Variants in DAPK1 observed in about 807,000 individuals in gnomAD.
DAPK1 encodes the protein death associated protein kinase 1.
A neutral mutation model predicts 144.9 loss-of-function variants in DAPK1; 56 were observed. That is an observed-to-expected ratio of 0.39 (90% CI 0.31 to 0.48). The LOEUF (loss-of-function observed/expected upper bound fraction) is 0.48. Ranked by LOEUF, DAPK1 falls within the 20% of genes least tolerant of loss-of-function variation. The pLI, the probability that DAPK1 is intolerant of heterozygous loss-of-function variation, is 0.95. For synonymous variants in DAPK1, 690 were observed against 749.0 expected, an observed-to-expected ratio of 0.92 and a Z score of 1.29; for missense variants, 1,454 against 1,875.4, an observed-to-expected ratio of 0.78 and a Z score of 4.15.
chr9:87,654,475 C>T (rs1213632175), intron 17 of DAPK1, among the ~76,000 whole-genome samples: 1 of 152,138 alleles, frequency 6.6e-6, no homozygotes, highest in Non-Finnish European at 1.5e-5. Context: ...ATGTGATTAA[C>T]TCAAGCAGAA....
At chr9:87,651,818 T>C in intron 17 of DAPK1, 94 bp downstream of exon 17, 1 of 1,122,264 alleles carries the variant, frequency 8.9e-7, no homozygotes, top group South Asian at 1.4e-5. Context: ...TGATCCCAGG[T>C]CCTGATTCTG....
intron 2 of DAPK1, among the ~76,000 whole-genome samples, chr9:87,595,748 T>C (rs1407486505): frequency 1.3e-5 from 2 of 152,192 alleles, no homozygotes; most frequent in African/African-American, 2.4e-5. Flanking sequence ...CCTTGGCCCA[T>C]TGCGCTGTTC....
chr9:87,670,229 GAGCC>G (rs1438668331), intron 19 of DAPK1, among the ~76,000 whole-genome samples: 3 of 151,974 alleles, frequency 2.0e-5, no homozygotes, highest in African/African-American at 7.3e-5. Flanking sequence ...ATTCAAGAAT[GAGCC>G]TTTTCATAGA....
At chr9:87,682,168 G>C (rs894477244) in intron 20 of DAPK1, among the ~76,000 whole-genome samples, 2 of 152,166 alleles carry the variant, frequency 1.3e-5, no homozygotes, top group Non-Finnish European at 2.9e-5. Context: ...GAGGTTTCCA[G>C]AGGCTCCTTA....
intron 3 of DAPK1, among the ~76,000 whole-genome samples, chr9:87,631,408 CA>C (rs1343055215): frequency 6.6e-6 from 1 of 152,066 alleles, no homozygotes; most frequent in Non-Finnish European, 1.5e-5. Context: ...CTGTCGTGGC[CA>C]ACTTTTAGGG....
chr9:87,571,148 G>A (rs1338800073), intron 2 of DAPK1, among the ~76,000 whole-genome samples: 2 of 151,916 alleles, frequency 1.3e-5, no homozygotes, highest in Non-Finnish European at 2.9e-5. Flanking sequence ...TTGTGTATTC[G>A]GTACACACAC....
At chr9:87,645,383 C>T (rs996301769) in intron 11 of DAPK1, among the ~76,000 whole-genome samples, 7 of 151,600 alleles carry the variant, frequency 4.6e-5, no homozygotes, top group African/African-American at 1.7e-4. Flanking sequence ...AGATTTTTGC[C>T]GTGTTATTCT....
chr9:87,703,871 G>C (rs964440657), intron 25 of DAPK1, among the ~76,000 whole-genome samples: 1 of 152,210 alleles, frequency 6.6e-6, no homozygotes, highest in Non-Finnish European at 1.5e-5. Flanking sequence ...AGGAACGGGG[G>C]CAGTGCCTTC....
chr9:87,543,426 A>C (rs1424875558), intron 2 of DAPK1, among the ~76,000 whole-genome samples: 6 of 152,256 alleles, frequency 3.9e-5, no homozygotes, highest in Admixed American at 3.9e-4. Context: ...AATCATTTTG[A>C]GTGCAGTTTC....
At chr9:87,701,957 G>A in intron 24 of DAPK1, 1 of 454,970 alleles carries the variant, frequency 2.2e-6, no homozygotes, top group Admixed American at 2.5e-5. Context: ...GCGGTGATCT[G>A]GGAACTAACA....
Position 87,707,601 on chromosome 9 carries a change from G to T in DAPK1, c.*237G>T. The T allele has an allele frequency of 1.8e-6, 1 of 554,444 alleles. No homozygotes were observed. The highest frequency in any genetic ancestry group is 3.2e-6 in the Non-Finnish European group (1 of 311,210). 34.3% of individuals were successfully genotyped at this position (554,444 alleles called of 1,614,324 possible). A position where few individuals can be genotyped will look rare whatever the true frequency, so the allele number is the denominator to read the frequency against. The stretch of plus-strand genomic sequence containing the variant: ...GCAGAACAGATCTTTTACTTTGGCC[G>T]CTTGAAAAGCTAGTGTACCTCCTCT... On this transcript the variant is annotated 3_prime_UTR_variant, in exon 26 of 26. Coordinates refer to ENST00000408954, the MANE Select transcript of DAPK1 (RefSeq NM_004938.4). This position sits in a 1 kb window ranked among gnomAD's most constrained non-coding sequence, Gnocchi z 4.0.
chr9:87,536,417 C>T (rs1045048), intron 2 of DAPK1, among the ~76,000 whole-genome samples: 44,690 of 151,678 alleles, frequency 0.29, 6,895 homozygotes, highest in Middle Eastern at 0.42. Context: ...TGGGGAAATG[C>T]GAAATACTTA....
In DAPK1 at chr9:87,639,489, T is replaced by C; in HGVS notation, c.553+6T>C. On this transcript the variant is annotated splice_donor_region_variant and intron_variant, in intron 5 of 25. Coordinates refer to ENST00000408954, the MANE Select transcript of DAPK1 (RefSeq NM_004938.4). The stretch of plus-strand genomic sequence containing the variant: ...TGGGACTCCAGAGTTTGTCGGTAAG[T>C]TTCTTTGCTCCTGTGGTCATTTACG... The C allele has an allele frequency of 1.2e-6, 2 of 1,610,976 alleles. No homozygotes were observed. The highest frequency in any genetic ancestry group is 1.7e-6 in the Non-Finnish European group (2 of 1,179,240).
chr9:87,635,834 G>C (rs2119115346), intron 3 of DAPK1, among the ~76,000 whole-genome samples: 1 of 152,296 alleles, frequency 6.6e-6, no homozygotes, highest in East Asian at 1.9e-4. Flanking sequence ...CTGGATGCAG[G>C]CACTTGACTT....
intron 2 of DAPK1, among the ~76,000 whole-genome samples, chr9:87,570,127 A>C (rs779412126): frequency 2.0e-5 from 3 of 152,170 alleles, no homozygotes; most frequent in Non-Finnish European, 2.9e-5. Flanking sequence ...CTTTGATAAG[A>C]GAAAAATTTA....
intron 2 of DAPK1, among the ~76,000 whole-genome samples, chr9:87,546,223 A>G (rs1409605142): frequency 6.6e-6 from 1 of 152,204 alleles, no homozygotes; most frequent in Non-Finnish European, 1.5e-5. Context: ...CACAGTTCCC[A>G]AGAGGAGGAG....
intron 2 of DAPK1, chr9:87,525,462 T>C (rs1349322766): frequency 6.3e-7 from 1 of 1,593,176 alleles, no homozygotes; most frequent in Non-Finnish European, 8.6e-7. Flanking sequence ...ATCGGTTTCA[T>C]TAAGTTGGAC....
intron 2 of DAPK1, among the ~76,000 whole-genome samples, chr9:87,530,848 A>G (rs1463819487): frequency 1.3e-5 from 2 of 152,136 alleles, no homozygotes; most frequent in Non-Finnish European, 2.9e-5. Context: ...GGTCATCCTC[A>G]CTGGAACAAA....
rs1360942471 is a variant in DAPK1 at position 87,584,880 on chromosome 9, T to G, written c.63-20074T>G. Among the ~76,000 whole-genome samples, 3 of 152,188 alleles carry G rather than the reference T, an allele frequency of 2.0e-5. No individual in the cohort carries two copies. In the East Asian group the frequency reaches 5.8e-4, roughly 29 times the overall value. On this transcript the variant is annotated intron_variant, in intron 2 of 25. Transcript: ENST00000408954. Reference sequence around the variant, plus strand: ...TTTGTAGAGACGGGGTTTCACCATGTTAGCTAGGCTGGCCTCGAACTCCTG... The same window carrying G: ...TTTGTAGAGACGGGGTTTCACCATGGTAGCTAGGCTGGCCTCGAACTCCTG...
Sources: allele counts gnomAD v4.1 joint callset (sites outside exome capture counted in the v4.1 genomes callset), GRCh38; gene constraint gnomAD v4.1.1; non-coding constraint Gnocchi (gnomAD v3.1); transcripts MANE v1.5; gene names NCBI Gene and HGNC (gene_info 2026-07-23, HGNC 2026-07-21).